FRAS1: variants seen among roughly 807,000 people sequenced by gnomAD.
FRAS1 encodes the protein extracellular matrix organizing protein FRAS1.
A neutral mutation model predicts 435.2 loss-of-function variants in FRAS1; 290 were observed. The observed-to-expected ratio is 0.67, with a 90% CI of 0.61 to 0.73. FRAS1 has a LOEUF of 0.73. Among genes scored for constraint, FRAS1 ranks in the 30% least tolerant of loss-of-function variants. FRAS1 has a pLI of 0.00. For synonymous variants in FRAS1, 1,800 were observed against 1,851.0 expected (o/e 0.97, Z 0.71); for missense variants, 4,860 against 5,001.5 (o/e 0.97, Z 0.85).
At chr4:78,177,094 T>G (rs1385227572) in intron 2 of FRAS1, among the ~76,000 whole-genome samples, 3 of 151,306 alleles carry the variant, frequency 2.0e-5, no homozygotes, top group Admixed American at 6.6e-5. Context: ...TGAGTTTTTT[T>G]TTTTTTTTTT....
At chr4:78,164,817 A>C (rs10222691) in intron 2 of FRAS1, among the ~76,000 whole-genome samples, 9,369 of 152,234 alleles carry the variant, frequency 0.062, 365 homozygotes, top group Admixed American at 0.09. Flanking sequence ...TCACTAGCCT[A>C]AACACAGTCT....
At chr4:78,081,979 G>T (rs1005033829) in intron 2 of FRAS1, among the ~76,000 whole-genome samples, 1 of 151,716 alleles carries the variant, frequency 6.6e-6, no homozygotes, top group Non-Finnish European at 1.5e-5. Flanking sequence ...TTTTTTTCCC[G>T]CATCTTACTC....
intron 2 of FRAS1, among the ~76,000 whole-genome samples, chr4:78,075,062 C>T (rs564353405): frequency 1.2e-4 from 18 of 152,258 alleles, no homozygotes; most frequent in African/African-American, 4.1e-4. Flanking sequence ...GAAGACAGAA[C>T]TGAGTTAAAC....
chr4:78,195,349 G>T (rs1722756208), intron 2 of FRAS1, among the ~76,000 whole-genome samples: 1 of 152,226 alleles, frequency 6.6e-6, no homozygotes, highest in Admixed American at 6.5e-5. Context: ...CCTTTTGTTT[G>T]GCATTGCCCT....
chr4:78,515,771 T>A (rs773253467), intron 65 of FRAS1, 28 bp from the exon 66 acceptor site: 1 of 1,607,026 alleles, frequency 6.2e-7, no homozygotes, highest in Non-Finnish European at 8.5e-7. Context: ...AACCAAGTTA[T>A]CGTTCCTTGT....
At chr4:78,123,297 T>G (rs1016390590) in intron 2 of FRAS1, among the ~76,000 whole-genome samples, 1 of 152,070 alleles carries the variant, frequency 6.6e-6, no homozygotes, top group African/African-American at 2.4e-5. Flanking sequence ...AGATGTGTGG[T>G]GTTATTTCTG....
intron 2 of FRAS1, among the ~76,000 whole-genome samples, chr4:78,199,577 A>G (rs1042747970): frequency 6.6e-6 from 1 of 152,252 alleles, no homozygotes. Flanking sequence ...AAGTAAAACC[A>G]ATCAGTATTT....
intron 32 of FRAS1, 65 bp downstream of exon 32, chr4:78,413,150 G>C (rs1733416438): frequency 2.1e-6 from 2 of 933,270 alleles, no homozygotes; most frequent in Non-Finnish European, 3.3e-6. Flanking sequence ...GATGGGATTT[G>C]ATAGAGTGTC....
intron 40 of FRAS1, among the ~76,000 whole-genome samples, chr4:78,440,824 T>C (rs1051029738): frequency 1.3e-5 from 2 of 152,154 alleles, no homozygotes; most frequent in Non-Finnish European, 2.9e-5. Flanking sequence ...TGAATGTTGA[T>C]GTGGAAGGAA....
Position 78,312,859 on chromosome 4 carries a change from A to AGAGAC in FRAS1, c.1679-2735_1679-2734insGAGAC, listed in dbSNP as rs1553943110. 4.9e-5 allele frequency among the ~76,000 whole-genome samples: 6 copies of AGAGAC among 121,718 alleles called. No individual in the cohort carries two copies. In the Admixed American group the frequency reaches 5.0e-4, roughly 10 times the overall value. 79.9% of individuals were successfully genotyped at this position (121,718 alleles called of 152,430 possible). A position where few individuals can be genotyped will look rare whatever the true frequency, so the allele number is the denominator to read the frequency against. ...AGAAAGAAAAAGAAAGAAAGAAAGA[A>AGAGAC]AGAGAGAGAGAGAGAGAGAGAGAAA... On this transcript the variant is annotated intron_variant, in intron 15 of 73. Coordinates refer to ENST00000512123, the MANE Select transcript of FRAS1 (RefSeq NM_025074.7).
chr4:78,226,395 T>C (rs1046329565), intron 2 of FRAS1, among the ~76,000 whole-genome samples: 1 of 152,172 alleles, frequency 6.6e-6, no homozygotes, highest in Non-Finnish European at 1.5e-5. Context: ...TGACAAATTC[T>C]CACTAGTTTT....
At chr4:78,061,010 C>A (rs995700154) in intron 1 of FRAS1, among the ~76,000 whole-genome samples, 39 of 152,120 alleles carry the variant, frequency 2.6e-4, no homozygotes, top group African/African-American at 9.2e-4. Flanking sequence ...CCATGCCCAG[C>A]CAATTTTCAC....
Position 78,411,508 on chromosome 4 carries a change from T to G in FRAS1, c.4309-1461T>G, listed in dbSNP as rs115827643. ...CTTTGCATCTAAGATTTGGGACATA[T>G]GTAATGCCAGTGGGATTAGAAAATA... On this transcript the variant is annotated intron_variant, in intron 31 of 73. Transcript: ENST00000512123. Among the ~76,000 whole-genome samples the G allele has an allele frequency of 9.3e-4, 142 of 152,298 alleles. 1 individual carries two copies. The highest frequency in any genetic ancestry group is 3.2e-3 in the African/African-American group (134 of 41,556).
At chr4:78,467,488 G>T (rs924042804) in intron 50 of FRAS1, among the ~76,000 whole-genome samples, 1 of 152,118 alleles carries the variant, frequency 6.6e-6, no homozygotes, top group East Asian at 1.9e-4. Context: ...GGACACTTAG[G>T]TTGCTTCCAA....
In FRAS1 at chr4:78,388,199, C is replaced by A. The variant is rs191110435; in HGVS notation, c.3975+498C>A. 6.0e-3 allele frequency among the ~76,000 whole-genome samples: 914 copies of A among 152,092 alleles called. 8 individuals are homozygous for A. The highest frequency in any genetic ancestry group is 0.021 in the African/African-American group (866 of 41,490). On this transcript the variant is annotated intron_variant, in intron 29 of 73. Coordinates refer to ENST00000512123, the MANE Select transcript of FRAS1 (RefSeq NM_025074.7). ...AATTCGCTGGGCGTGGTGGCGGGTG[C>A]CTGTAGTCCTAGCTACTCGGGAGGC...
At chr4:78,385,031 C>T (rs12640379) in intron 28 of FRAS1, among the ~76,000 whole-genome samples, 57,720 of 151,680 alleles carry the variant, frequency 0.38, 11,080 homozygotes, top group African/African-American at 0.39. Flanking sequence ...TTAAATGAGG[C>T]TCTAGTGTGC....
chr4:78,094,559 T>A (rs1384325001), intron 2 of FRAS1, among the ~76,000 whole-genome samples: 2 of 152,132 alleles, frequency 1.3e-5, no homozygotes, highest in Non-Finnish European at 2.9e-5. Flanking sequence ...ATATAGAGTG[T>A]TCTAATATAT....
At chr4:78,530,653 G>A (rs1364924547) in intron 70 of FRAS1, among the ~76,000 whole-genome samples, 4 of 152,174 alleles carry the variant, frequency 2.6e-5, no homozygotes, top group African/African-American at 9.7e-5. Context: ...GGTTGTAGAT[G>A]TGTGGCGTGA....
intron 23 of FRAS1, among the ~76,000 whole-genome samples, chr4:78,370,839 AAGGTAAAGAAC>A (rs1167251462): frequency 6.6e-6 from 1 of 152,198 alleles, no homozygotes; most frequent in Admixed American, 6.5e-5. Context: ...CAGGAAAGCA[AAGGTAAAGAAC>A]AGGTTTTACT....
Sources: allele counts gnomAD v4.1 joint callset (sites outside exome capture counted in the v4.1 genomes callset), GRCh38; gene constraint gnomAD v4.1.1; transcripts MANE v1.5; gene names NCBI Gene and HGNC (gene_info 2026-07-23, HGNC 2026-07-21).